Variants in STXBP6 observed in about 807,000 individuals in gnomAD.
The protein encoded by STXBP6 is syntaxin binding protein 6, also known as syntaxin-binding protein 6.
A neutral mutation model predicts 26.9 loss-of-function variants in STXBP6; 21 were observed. The observed-to-expected ratio is 0.78, with a 90% confidence interval of 0.55 to 1.12. The LOEUF is 1.12. Among genes scored for constraint, STXBP6 ranks in the 50% most tolerant of loss-of-function variants. The pLI is 0.00. For synonymous variants in STXBP6, 97 were observed against 92.6 expected, an observed-to-expected ratio of 1.05 and a Z score of -0.27; for missense variants, 232 against 257.9, an observed-to-expected ratio of 0.90 and a Z score of 0.69.
At chr14:24,819,919 A>T (rs1186321031) in intron 4 of STXBP6, among the ~76,000 whole-genome samples, 1 of 152,156 alleles carries the variant, frequency 6.6e-6, no homozygotes, top group African/African-American at 2.4e-5. Context: ...ACAGTGATAG[A>T]AACCAGCCCT....
chr14:24,831,922 T>A (rs947072239), intron 4 of STXBP6, among the ~76,000 whole-genome samples: 1 of 152,138 alleles, frequency 6.6e-6, no homozygotes, highest in African/African-American at 2.4e-5. Context: ...TTGCTCAAGG[T>A]CACACCCGAG....
intron 2 of STXBP6, among the ~76,000 whole-genome samples, chr14:24,970,340 C>G (rs117971888): frequency 6.6e-6 from 1 of 152,240 alleles, no homozygotes; most frequent in East Asian, 1.9e-4. Context: ...ATGTATACAC[C>G]TACGTAATCA....
intron 1 of STXBP6, among the ~76,000 whole-genome samples, chr14:25,030,619 G>C (rs1448497533): frequency 1.3e-5 from 2 of 152,110 alleles, no homozygotes; most frequent in Non-Finnish European, 2.9e-5. Flanking sequence ...AAGGCAAATT[G>C]GTAGCTCACA....
At chr14:25,023,126 A>G (rs1272926841) in intron 1 of STXBP6, among the ~76,000 whole-genome samples, 1 of 152,242 alleles carries the variant, frequency 6.6e-6, no homozygotes, top group African/African-American at 2.4e-5. Context: ...CTTCACTTAT[A>G]AACAAGCGGG....
intron 2 of STXBP6, among the ~76,000 whole-genome samples, chr14:24,917,767 A>G (rs2071821639): frequency 6.6e-6 from 1 of 152,146 alleles, no homozygotes; most frequent in Non-Finnish European, 1.5e-5. Flanking sequence ...ATCAAAATTT[A>G]AAACTTTGTG....
chr14:25,025,311 C>G (rs867821985), intron 1 of STXBP6, among the ~76,000 whole-genome samples: 5 of 151,848 alleles, frequency 3.3e-5, no homozygotes, highest in Non-Finnish European at 5.9e-5. Context: ...CTAAATGTTC[C>G]TTCTTCCTAT....
intron 2 of STXBP6, among the ~76,000 whole-genome samples, chr14:24,947,933 C>T (rs560340426): frequency 1.3e-5 from 2 of 152,312 alleles, no homozygotes; most frequent in African/African-American, 4.8e-5. Context: ...TCTGCCTTCA[C>T]AAAGATTGCT....
intron 2 of STXBP6, among the ~76,000 whole-genome samples, chr14:24,926,313 C>A (rs1054281533): frequency 6.6e-6 from 1 of 150,906 alleles, no homozygotes; most frequent in Non-Finnish European, 1.5e-5. Context: ...GGACTAATAG[C>A]GGAGAATAAA....
At chr14:24,886,566 T>C (rs1336084755) in intron 2 of STXBP6, among the ~76,000 whole-genome samples, 1 of 152,206 alleles carries the variant, frequency 6.6e-6, no homozygotes, top group Non-Finnish European at 1.5e-5. Flanking sequence ...TCTTGTTATT[T>C]TATTCTGGAA....
At chr14:24,952,745 G>C (rs1420414676) in intron 2 of STXBP6, among the ~76,000 whole-genome samples, 1 of 151,878 alleles carries the variant, frequency 6.6e-6, no homozygotes, top group Non-Finnish European at 1.5e-5. Flanking sequence ...TCAGCATTAG[G>C]GAAAAAAGGT....
intron 2 of STXBP6, among the ~76,000 whole-genome samples, 160 bp downstream of exon 2, chr14:24,974,505 A>G (rs1308270234): frequency 6.6e-6 from 1 of 152,224 alleles, no homozygotes. Flanking sequence ...CTCAAAAACA[A>G]GGTGTCACCA....
At chr14:24,987,372 T>C (rs941707071) in intron 1 of STXBP6, among the ~76,000 whole-genome samples, 4 of 152,188 alleles carry the variant, frequency 2.6e-5, no homozygotes, top group African/African-American at 9.7e-5. Context: ...GACCTGCATC[T>C]TCACCTTTAA....
chr14:24,881,091 T>C (rs376051269), intron 2 of STXBP6, among the ~76,000 whole-genome samples: 1 of 152,144 alleles, frequency 6.6e-6, no homozygotes, highest in African/African-American at 2.4e-5. Flanking sequence ...TTACCTCCAG[T>C]GAGCTGTCCA....
chr14:24,959,616 T>C (rs991018245), intron 2 of STXBP6, among the ~76,000 whole-genome samples: 2 of 152,260 alleles, frequency 1.3e-5, no homozygotes, highest in Admixed American at 1.3e-4. Context: ...ATTTGAATTC[T>C]AGTTCAAAAA....
chr14:24,838,609 G>A (rs1170553844), intron 4 of STXBP6, among the ~76,000 whole-genome samples: 4 of 151,918 alleles, frequency 2.6e-5, no homozygotes, highest in African/African-American at 9.7e-5. Context: ...GCTTGAACTC[G>A]GGAGATGGAG....
intron 2 of STXBP6, among the ~76,000 whole-genome samples, chr14:24,901,295 A>G (rs1245265410): frequency 1.3e-5 from 2 of 152,092 alleles, no homozygotes; most frequent in African/African-American, 2.4e-5. Context: ...GTTTTTTGAG[A>G]TTGAAAAAAA....
intron 1 of STXBP6, among the ~76,000 whole-genome samples, chr14:25,013,605 T>C (rs1453931930): frequency 6.6e-6 from 1 of 151,890 alleles, no homozygotes; most frequent in Non-Finnish European, 1.5e-5. Context: ...TAAATGTAAC[T>C]ACCAGTTCAC....
intron 2 of STXBP6, among the ~76,000 whole-genome samples, chr14:24,875,055 T>G (rs886288287): frequency 6.6e-6 from 1 of 152,190 alleles, no homozygotes; most frequent in Non-Finnish European, 1.5e-5. Context: ...CTTGTACCCA[T>G]TAGCACTGAC....
chr14:25,028,507 GA>G (rs543911795), intron 1 of STXBP6, among the ~76,000 whole-genome samples: 49 of 143,552 alleles, frequency 3.4e-4, no homozygotes, highest in South Asian at 4.4e-4. Flanking sequence ...TGACTGCTCA[GA>G]AAAAAAAAAA....
Sources: allele counts gnomAD v4.1 joint callset (sites outside exome capture counted in the v4.1 genomes callset), GRCh38; gene constraint gnomAD v4.1.1; transcripts MANE v1.5; gene names NCBI Gene and HGNC (gene_info 2026-07-23, HGNC 2026-07-21).